SEC24A: variants seen among roughly 807,000 people sequenced by gnomAD.
SEC24A encodes protein transport protein Sec24A.
SEC24A carries 93 observed loss-of-function variants against 129.4 expected under a neutral mutation model. The ratio of observed to expected loss-of-function variants is 0.72; its 90% CI spans 0.61 to 0.85. SEC24A has a LOEUF of 0.85. Ranked by LOEUF, SEC24A falls within the 40% of genes least tolerant of loss-of-function variation. The probability of loss-of-function intolerance (pLI) is 0.00; values close to 1 mark genes in which losing one functional copy is unlikely to be tolerated. For missense variants in SEC24A, 1,264 were observed against 1,307.4 expected (o/e 0.97, Z 0.51); for synonymous variants, 460 against 467.3 (o/e 0.98, Z 0.20).
At chr5:134,697,805 A>C (rs1396442495) in intron 14 of SEC24A, 94 bp from the exon 15 acceptor site, 5 of 1,277,592 alleles carry the variant, frequency 3.9e-6, no homozygotes, top group South Asian at 1.5e-5. Context: ...TACCTTGGAA[A>C]GTTAAAGAAA....
chr5:134,716,210 C>T (rs1281462253), intron 19 of SEC24A, among the ~76,000 whole-genome samples: 1 of 152,046 alleles, frequency 6.6e-6, no homozygotes, highest in African/African-American at 2.4e-5. Flanking sequence ...CACCTGTAAT[C>T]CCAGCACTTT....
chr5:134,650,537 C>CTTTT (rs891812570), intron 1 of SEC24A, among the ~76,000 whole-genome samples: 1 of 141,230 alleles, frequency 7.1e-6, no homozygotes. Context: ...TGTTCCACAT[C>CTTTT]TTTTTTTTTT....
chr5:134,714,818 TA>T (rs1462981860), intron 18 of SEC24A, among the ~76,000 whole-genome samples: 1 of 152,208 alleles, frequency 6.6e-6, no homozygotes, highest in African/African-American at 2.4e-5. Context: ...CATGGTCAGT[TA>T]GTTAATTTCA....
intron 12 of SEC24A, chr5:134,693,487 C>T: frequency 7.1e-7 from 1 of 1,402,694 alleles, no homozygotes; most frequent in Non-Finnish European, 9.2e-7. Flanking sequence ...GACTTATAGT[C>T]TTGCTGGACT....
intron 18 of SEC24A, among the ~76,000 whole-genome samples, chr5:134,709,573 C>T (rs969740427): frequency 6.6e-6 from 1 of 152,068 alleles, no homozygotes; most frequent in Non-Finnish European, 1.5e-5. Flanking sequence ...ATCAAACACA[C>T]GGAAGCAGAA....
At chr5:134,704,803 T>TTA (rs563304119) in intron 16 of SEC24A, among the ~76,000 whole-genome samples, 1 of 131,260 alleles carries the variant, frequency 7.6e-6, no homozygotes, top group African/African-American at 2.8e-5. Context: ...ACCTTGTTTC[T>TTA]AAAAAAAAAA....
In SEC24A at chr5:134,708,740, T is replaced by C. The variant is rs1048385299; in HGVS notation, c.2579T>C (p.Leu860Pro). 3 of 1,613,794 alleles carry C rather than the reference T, an allele frequency of 1.9e-6. No homozygotes were observed. The Admixed American group carries it at 5.0e-5, about 27-fold the overall frequency. ...MAVDRSMTAS[L>P]SDARDALVNA... is the part of the protein sequence containing the mutation. ...GTTGACAGATCTATGACTGCCAGTCTGAGTGACGCTCGGGATGCTCTAGTG... is the reference window on the plus strand; with the variant it reads ...GTTGACAGATCTATGACTGCCAGTCCGAGTGACGCTCGGGATGCTCTAGTG... Residue 860 changes from leucine to proline, a missense_variant, in exon 18 of 23, where the codon CTG (leucine) becomes CCG (proline). Transcript: ENST00000398844.
chr5:134,667,184 C>T (rs1385522287), intron 3 of SEC24A, among the ~76,000 whole-genome samples, 188 bp downstream of exon 3: 3 of 152,106 alleles, frequency 2.0e-5, no homozygotes, highest in African/African-American at 7.2e-5. Flanking sequence ...TGGGCTGTGA[C>T]TACCATTGGG....
chr5:134,716,912 A>T (rs189241620), intron 19 of SEC24A, among the ~76,000 whole-genome samples: 1,454 of 144,084 alleles, frequency 0.01, 24 homozygotes, highest in African/African-American at 0.036. Flanking sequence ...AGGGTTTTGC[A>T]CTTGTTGCCC....
intron 8 of SEC24A, among the ~76,000 whole-genome samples, chr5:134,679,951 A>G (rs1426197069): frequency 6.6e-6 from 1 of 152,162 alleles, no homozygotes; most frequent in Non-Finnish European, 1.5e-5. Context: ...TTACATGGAT[A>G]TCCCATTTTT....
At chr5:134,657,252 T>C (rs1750283063) in intron 1 of SEC24A, among the ~76,000 whole-genome samples, 1 of 151,650 alleles carries the variant, frequency 6.6e-6, no homozygotes, top group Non-Finnish European at 1.5e-5. Flanking sequence ...GGACTTGCTA[T>C]TGCCCAGGCT....
intron 15 of SEC24A, among the ~76,000 whole-genome samples, chr5:134,700,584 G>C (rs1751976112): frequency 6.6e-6 from 1 of 151,206 alleles, no homozygotes; most frequent in South Asian, 2.1e-4. Flanking sequence ...AAAAGATAAA[G>C]ATCCACTAAC....
chr5:134,651,740 A>C (rs1386329788), intron 1 of SEC24A, among the ~76,000 whole-genome samples: 1 of 152,046 alleles, frequency 6.6e-6, no homozygotes, highest in African/African-American at 2.4e-5. Context: ...CTGGGATTAG[A>C]GGCATGAGCT....
Position 134,705,803 on chromosome 5 carries a change from C to G in SEC24A, c.2551+366C>G, listed in dbSNP as rs111532736. 3.7e-3 allele frequency among the ~76,000 whole-genome samples: 556 copies of G among 152,150 alleles called. 3 individuals carry two copies. Among genetic ancestry groups the G allele is most frequent in the African/African-American group, 0.013 (533 of 41,516 alleles). ...GCAGTTACTGCCCACTTCTTCCTCCCTCCCTTACTGGCCTTAAGTAACCAC... is the reference window on the plus strand; with the variant it reads ...GCAGTTACTGCCCACTTCTTCCTCCGTCCCTTACTGGCCTTAAGTAACCAC... On this transcript the variant is annotated intron_variant, in intron 17 of 22. Transcript: ENST00000398844.
At position 134,703,944 on chromosome 5, in the gene SEC24A, G is replaced by T. The variant is rs200627058; in HGVS notation, c.2440+12G>T. The T allele has an allele frequency of 1.3e-6, 2 of 1,492,948 alleles. No homozygotes were observed. The highest frequency in any genetic ancestry group is 1.8e-6 in the Non-Finnish European group (2 of 1,104,330). The allele number at this position is 1,492,948 out of a possible 1,614,324, so 92.5% of individuals were successfully genotyped here. A position where few individuals can be genotyped will look rare whatever the true frequency, so the allele number is the denominator to read the frequency against. On this transcript the variant is annotated intron_variant, in intron 16 of 22. Transcript: ENST00000398844. Reference sequence around the variant, plus strand: ...TACATCCAGCAAAGGTAAATTGTTTGTTTTTTTTTGGATTTCAAATGTTCA... The same window carrying T: ...TACATCCAGCAAAGGTAAATTGTTTTTTTTTTTTTGGATTTCAAATGTTCA...
At chr5:134,717,519 G>C (rs548679809) in intron 19 of SEC24A, among the ~76,000 whole-genome samples, 2 of 151,842 alleles carry the variant, frequency 1.3e-5, no homozygotes, top group South Asian at 4.2e-4. Flanking sequence ...AAAAGAAAAA[G>C]AAAAAGAAAA....
At chr5:134,700,310 C>T (rs1300415428) in intron 15 of SEC24A, among the ~76,000 whole-genome samples, 2 of 151,762 alleles carry the variant, frequency 1.3e-5, no homozygotes, top group Non-Finnish European at 2.9e-5. Flanking sequence ...AGCCTCAACT[C>T]CTGGGCTCAA....
chr5:134,686,509 T>G (rs775446190), intron 9 of SEC24A, among the ~76,000 whole-genome samples: 17 of 152,208 alleles, frequency 1.1e-4, no homozygotes, highest in Non-Finnish European at 2.1e-4. Flanking sequence ...AGTGCTGGGA[T>G]TACAGGCATG....
chr5:134,677,580 G>C (rs1049722790), intron 7 of SEC24A, among the ~76,000 whole-genome samples: 5 of 150,110 alleles, frequency 3.3e-5, no homozygotes, highest in African/African-American at 1.2e-4. Flanking sequence ...GCTCACACCT[G>C]TAATCCTAGC....
Sources: allele counts gnomAD v4.1 joint callset (sites outside exome capture counted in the v4.1 genomes callset), GRCh38; gene constraint gnomAD v4.1.1; transcripts MANE v1.5; gene names NCBI Gene and HGNC (gene_info 2026-07-23, HGNC 2026-07-21).